CACNA1C: variants seen among roughly 807,000 people sequenced by gnomAD.
CACNA1C encodes calcium voltage-gated channel subunit alpha1 C, also known as voltage-dependent L-type calcium channel subunit alpha-1C.
CACNA1C carries 30 observed loss-of-function variants against 229.0 expected under a neutral mutation model. The ratio of observed to expected loss-of-function variants is 0.13; its 90% CI spans 0.10 to 0.18. The LOEUF (loss-of-function observed/expected upper bound fraction) is 0.18. CACNA1C is among the 10% of genes least tolerant of loss of function. CACNA1C has a pLI of 1.00. For synonymous variants in CACNA1C, 1,114 were observed against 1,132.5 expected (o/e 0.98, Z 0.33); for missense variants, 1,658 against 2,845.0 (o/e 0.58, Z 9.49).
intron 3 of CACNA1C, among the ~76,000 whole-genome samples, chr12:2,243,349 T>A (rs1214508209): frequency 6.6e-6 from 1 of 152,186 alleles, no homozygotes; most frequent in Non-Finnish European, 1.5e-5. Flanking sequence ...AAAGTGGAGA[T>A]GCCACCTGAG....
At chr12:2,043,204 C>T (rs981395731) in intron 1 of CACNA1C, among the ~76,000 whole-genome samples, 3 of 152,206 alleles carry the variant, frequency 2.0e-5, no homozygotes, top group Non-Finnish European at 4.4e-5. Context: ...TTCAATGCAT[C>T]AGAACTTGGC....
rs759180088 is a variant in CACNA1C at position 2,646,774 on chromosome 12, G to GAA, written c.3913-1700_3913-1699insAA. 3.9e-5 allele frequency among the ~76,000 whole-genome samples: 3 copies of GAA among 77,536 alleles called. No individual in the cohort carries two copies. In the East Asian group the frequency reaches 9.2e-4, roughly 24 times the overall value. 50.9% of individuals were successfully genotyped at this position (77,536 alleles called of 152,430 possible). A position where few individuals can be genotyped will look rare whatever the true frequency, so the allele number is the denominator to read the frequency against. On this transcript the variant is annotated intron_variant, in intron 30 of 46. Coordinates refer to ENST00000399655, the MANE Select transcript of CACNA1C (RefSeq NM_000719.7). The surrounding 1 kb of genome is among the most constrained non-coding windows in gnomAD (Gnocchi z 4.6). ...TATGAGAGAGAGAGAGAGAAAGAGA[G>GAA]AGAGAGAGAGAGAGAGTGTGTGTGT...
chr12:2,583,074 C>T (rs1313378841), intron 15 of CACNA1C, 132 bp downstream of exon 15: 5 of 636,570 alleles, frequency 7.9e-6, no homozygotes, highest in African/African-American at 7.3e-5. Context: ...AACCCCATGG[C>T]GGCGGAGGTG....
At chr12:2,169,262 C>T (rs779343858) in intron 3 of CACNA1C, among the ~76,000 whole-genome samples, 1 of 152,160 alleles carries the variant, frequency 6.6e-6, no homozygotes, top group African/African-American at 2.4e-5. Context: ...CCCAGGATTG[C>T]ACGGCTTTTT....
intron 3 of CACNA1C, among the ~76,000 whole-genome samples, chr12:2,327,371 T>C (rs2096359383): frequency 6.6e-6 from 1 of 152,206 alleles, no homozygotes; most frequent in African/African-American, 2.4e-5. Flanking sequence ...AACAAACACT[T>C]AGCTGACTGA....
At chr12:2,477,905 G>C (rs2099638809) in intron 5 of CACNA1C, among the ~76,000 whole-genome samples, 1 of 151,794 alleles carries the variant, frequency 6.6e-6, no homozygotes, top group African/African-American at 2.4e-5. Flanking sequence ...GGAGATGGTG[G>C]GACAACCTCG....
At chr12:2,550,776 C>A in intron 10 of CACNA1C, 1 of 831,888 alleles carries the variant, frequency 1.2e-6, no homozygotes, top group Non-Finnish European at 1.7e-6. Context: ...CCTTTCACAA[C>A]GCTGAGCTGT....
At chr12:2,314,258 C>T (rs1469504788) in intron 3 of CACNA1C, among the ~76,000 whole-genome samples, 3 of 152,146 alleles carry the variant, frequency 2.0e-5, no homozygotes, top group Non-Finnish European at 4.4e-5. Context: ...CATGTTCCAG[C>T]GGAGGCTACC....
chr12:2,642,038 C>T (rs929654138), intron 30 of CACNA1C, among the ~76,000 whole-genome samples: 1 of 152,092 alleles, frequency 6.6e-6, no homozygotes, highest in Non-Finnish European at 1.5e-5. Context: ...GAGAGACGGG[C>T]CTGAGAAGTG....
intron 7 of CACNA1C, among the ~76,000 whole-genome samples, chr12:2,496,427 T>C (rs1171306810): frequency 2.6e-5 from 4 of 152,206 alleles, no homozygotes; most frequent in Admixed American, 2.0e-4. Flanking sequence ...CCATTCATTC[T>C]AAATCACCAA....
At chr12:2,081,361 GA>G (rs34628650) in intron 1 of CACNA1C, among the ~76,000 whole-genome samples, 115,343 of 151,920 alleles carry the variant, frequency 0.76, 44,177 homozygotes, top group Middle Eastern at 0.82. Flanking sequence ...ATGAGGTCAG[GA>G]GATCTAGACC....
At chr12:2,250,816 T>C (rs921068123) in intron 3 of CACNA1C, among the ~76,000 whole-genome samples, 2 of 152,224 alleles carry the variant, frequency 1.3e-5, no homozygotes, top group African/African-American at 4.8e-5. Flanking sequence ...CTGCTCTCAG[T>C]GGAGATGACG....
At chr12:2,200,228 G>A (rs1024763972) in intron 3 of CACNA1C, among the ~76,000 whole-genome samples, 1 of 152,166 alleles carries the variant, frequency 6.6e-6, no homozygotes, top group Non-Finnish European at 1.5e-5. Flanking sequence ...GGTTAGTAAT[G>A]TGTAAAAACT....
chr12:2,337,570 A>G (rs562012742), intron 3 of CACNA1C, among the ~76,000 whole-genome samples: 1 of 152,332 alleles, frequency 6.6e-6, no homozygotes, highest in East Asian at 1.9e-4. Context: ...ATTTGGTGAA[A>G]TGTTTGGAGT....
chr12:2,040,252 A>C (rs891273252), intron 1 of CACNA1C, among the ~76,000 whole-genome samples: 1 of 152,070 alleles, frequency 6.6e-6, no homozygotes, highest in African/African-American at 2.4e-5. Flanking sequence ...GTGTGATAGG[A>C]AATGTTCTTA....
chr12:2,605,785 A>G lies in CACNA1C; in HGVS notation c.3155A>G (p.Lys1052Arg). 6.2e-7 allele frequency: 1 copy of G among 1,606,166 alleles called. No homozygotes were observed. Among genetic ancestry groups the G allele is most frequent in the Non-Finnish European group, 8.5e-7 (1 of 1,172,806 alleles). The stretch of plus-strand genomic sequence containing the variant: ...GCCTGCATCGGGGTCCAGCTCTTCA[A>G]GGTAAAGTCTGGGCTCCGTTGTGGT... ...MFACIGVQLF[K>R]GKLYTCSDSS... is the part of the protein sequence containing the mutation. The change falls in exon 24 of 47, where the codon AAG becomes AGG. Residue 1052 changes from lysine (K) to arginine (R), a missense_variant and splice_region_variant. Physicochemically the swap from Lys to Arg is conservative, Grantham distance 26. This residue lies in a region of CACNA1C where 39 missense variants were observed against 143.3 expected (regional missense o/e 0.27). Transcript: ENST00000399655. This position sits in a 1 kb window ranked among gnomAD's most constrained non-coding sequence, Gnocchi z 6.2.
chr12:2,110,734 G>T (rs918301828), intron 1 of CACNA1C, among the ~76,000 whole-genome samples: 7 of 152,194 alleles, frequency 4.6e-5, no homozygotes, highest in African/African-American at 1.7e-4. Flanking sequence ...AAGTGCTCAG[G>T]AGCCACATAT....
chr12:2,211,978 C>T (rs1166609481), intron 3 of CACNA1C, among the ~76,000 whole-genome samples: 1 of 152,138 alleles, frequency 6.6e-6, no homozygotes, highest in Non-Finnish European at 1.5e-5. Flanking sequence ...GCCTCAGCCT[C>T]CCAACGTGCT....
At chr12:2,097,037 A>G (rs1165018419) in intron 1 of CACNA1C, among the ~76,000 whole-genome samples, 3 of 152,244 alleles carry the variant, frequency 2.0e-5, no homozygotes, top group African/African-American at 4.8e-5. Flanking sequence ...TGCTATGGAC[A>G]TGGGTGTACA....
Sources: gnomAD v4.1 joint callset for allele counts (sites outside exome capture counted in the v4.1 genomes callset) on GRCh38, gnomAD v4.1.1 for gene constraint, gnomAD v4.1.1 regional missense constraint, Gnocchi (gnomAD v3.1) non-coding constraint, MANE v1.5 for transcripts, NCBI Gene and HGNC (gene_info 2026-07-23, HGNC 2026-07-21) for gene names.